The following PABPC1L variants were observed in gnomAD, a reference collection of about 807,000 sequenced individuals.
PABPC1L encodes poly(A) binding protein cytoplasmic 1 like.
PABPC1L carries 31 observed loss-of-function variants against 66.6 expected under a neutral mutation model. The ratio of observed to expected loss-of-function variants is 0.47; its 90% CI spans 0.35 to 0.63. PABPC1L has a LOEUF of 0.63. Among genes scored for constraint, PABPC1L ranks in the 20% least tolerant of loss-of-function variants. PABPC1L has a pLI of 0.00. For synonymous variants in PABPC1L, 348 were observed against 335.1 expected (o/e 1.04, Z -0.42); for missense variants, 722 against 848.8 (o/e 0.85, Z 1.86).
chr20:44,912,280 G>T (rs1220637968), intron 1 of PABPC1L, among the ~76,000 whole-genome samples: 2 of 152,108 alleles, frequency 1.3e-5, no homozygotes, highest in African/African-American at 4.8e-5. Flanking sequence ...TTGTCATATG[G>T]ACATTGTTAT....
intron 8 of PABPC1L, among the ~76,000 whole-genome samples, chr20:44,931,047 T>TC (rs1376733326): frequency 9.9e-5 from 1 of 10,098 alleles, no homozygotes; most frequent in Admixed American, 1.3e-3. Flanking sequence ...TTCCCTCCCT[T>TC]CCCTTCCCTT....
At chr20:44,917,189 G>T (rs1000261530) in intron 3 of PABPC1L, among the ~76,000 whole-genome samples, 2 of 152,060 alleles carry the variant, frequency 1.3e-5, no homozygotes, top group Non-Finnish European at 2.9e-5. Flanking sequence ...TCAGTATGGG[G>T]TGTATGTGTG....
chr20:44,910,994 A>T (rs2037061946), intron 1 of PABPC1L, among the ~76,000 whole-genome samples: 1 of 152,222 alleles, frequency 6.6e-6, no homozygotes, highest in African/African-American at 2.4e-5. Flanking sequence ...AGCTTGGGCA[A>T]GCCTTCACGC....
Position 44,935,458 on chromosome 20 carries a change from G to A in PABPC1L, c.1527G>A (p.Leu509=), listed in dbSNP as rs1402858427. Reference sequence around the variant, plus strand: ...GCTGTACACCAGGCCGGCCGCTCCTGCCGTGCAAATGTTCCTCAGCAGCAC... The same window carrying A: ...GCTGTACACCAGGCCGGCCGCTCCTACCGTGCAAATGTTCCTCAGCAGCAC... The part of the protein sequence containing the change: ...VGCCTPGRPL[L]PCKCSSAAHS... The change falls in exon 11 of 15, where the codon CTG becomes CTA. Residue 509 remains leucine, a synonymous_variant. Transcript: ENST00000217073. 3.7e-6 allele frequency: 6 copies of A among 1,614,060 alleles called. No homozygotes were observed. The highest frequency in any genetic ancestry group is 1.3e-5 in the African/African-American group (1 of 74,916).
At chr20:44,931,136 T>A (rs181126426) in intron 8 of PABPC1L, among the ~76,000 whole-genome samples, 9 of 123,262 alleles carry the variant, frequency 7.3e-5, no homozygotes, top group Non-Finnish European at 3.5e-5. Context: ...CCCAGGCTGG[T>A]GAGCAATGGC....
rs1185274136 is a variant in PABPC1L, at chr20:44,911,192, A to AGT, written c.193+858_193+859dup. Among the ~76,000 whole-genome samples the AGT allele has an allele frequency of 3.3e-5, 5 of 152,130 alleles. No individual in the cohort carries two copies. The East Asian group carries it at 7.7e-4, about 23-fold the overall frequency. Reference sequence around the variant, plus strand: ...TAAATAAATAAATAAGGCCAGGCGCAGTGGCTCACGCCTGTAATCCCAGCA... The same window carrying AGT: ...TAAATAAATAAATAAGGCCAGGCGCAGTGTGGCTCACGCCTGTAATCCCAGCA... On this transcript the variant is annotated intron_variant, in intron 1 of 14. Coordinates refer to ENST00000217073, the MANE Select transcript of PABPC1L (RefSeq NM_001372179.1).
In PABPC1L at chr20:44,916,769, A is replaced by T; in HGVS notation, c.401A>T (p.Glu134Val). 6.2e-7 allele frequency: 1 copy of T among 1,614,168 alleles called. No homozygotes were observed. The highest frequency in any genetic ancestry group is 8.5e-7 in the Non-Finnish European group (1 of 1,180,038). ...CCTGTGGCCCAGGTGGCGTGTGACG[A>T]GCATGGCTCCCGGGGTTTCGGCTTT... ...NILSCKVACD[E>V]HGSRGFGFVH... The change falls in exon 3 of 15, where the codon GAG (glutamate) becomes GTG (valine). Residue 134 changes from glutamate (E) to valine (V), a missense_variant. Physicochemically the swap from Glu to Val is moderately radical, Grantham distance 121. Transcript: ENST00000217073.
intron 6 of PABPC1L, 40 bp downstream of exon 6, chr20:44,921,771 G>A (rs201274195): frequency 3.7e-4 from 603 of 1,610,038 alleles, no homozygotes; most frequent in Non-Finnish European, 4.3e-4. Context: ...TTCTGTGTGA[G>A]AGCAGCTGTG....
chr20:44,912,906 T>G (rs932928503), intron 2 of PABPC1L, 53 bp downstream of exon 2: 10 of 1,508,810 alleles, frequency 6.6e-6, no homozygotes, highest in African/African-American at 1.4e-5. Context: ...ACTACCTGCC[T>G]GGTAGAGGGG....
intron 6 of PABPC1L, among the ~76,000 whole-genome samples, chr20:44,922,976 C>G (rs970938020): frequency 6.6e-6 from 1 of 152,256 alleles, no homozygotes; most frequent in Non-Finnish European, 1.5e-5. Context: ...CATACATCCT[C>G]TTGTGTACAT....
rs770576757 is a variant in PABPC1L, at chr20:44,910,105, G to A, written c.-39G>A. The A allele has an allele frequency of 2.0e-6, 3 of 1,511,254 alleles. No homozygotes were observed. Among genetic ancestry groups the A allele is most frequent in the South Asian group, 2.4e-5 (2 of 82,042 alleles). 93.6% of individuals were successfully genotyped at this position (1,511,254 alleles called of 1,614,324 possible). A position where few individuals can be genotyped will look rare whatever the true frequency, so the allele number is the denominator to read the frequency against. ...TGAGCGCGGGGCTGCTGGGTGACCC[G>A]GCTCCTGCTTGCCCCGCAGCCCCGG... On this transcript the variant is annotated 5_prime_UTR_variant, in exon 1 of 15. Transcript: ENST00000217073.
chr20:44,911,599 G>A (rs945079318), intron 1 of PABPC1L, among the ~76,000 whole-genome samples: 5 of 152,214 alleles, frequency 3.3e-5, no homozygotes, highest in Non-Finnish European at 7.3e-5. Flanking sequence ...CAGGTCGCCT[G>A]GGTGAACCTG....
At chr20:44,932,746 G>C in intron 9 of PABPC1L, 5 of 495,298 alleles carry the variant, frequency 1.0e-5, no homozygotes, top group Non-Finnish European at 1.8e-5. Context: ...GTTGACCAAA[G>C]GCCCTCCTCT....
Position 44,916,746 on chromosome 20 carries a change from T to C in PABPC1L, c.388-10T>C, listed in dbSNP as rs917145648. The C allele has an allele frequency of 7.4e-6, 12 of 1,613,844 alleles. No homozygotes were observed. Among genetic ancestry groups the C allele is most frequent in the Non-Finnish European group, 1.0e-5 (12 of 1,179,694 alleles). ...CAGTACTCTTCCTGTCCTTCCTCCCTGTGGCCCAGGTGGCGTGTGACGAGC... is the reference window on the plus strand; with the variant it reads ...CAGTACTCTTCCTGTCCTTCCTCCCCGTGGCCCAGGTGGCGTGTGACGAGC... On this transcript the variant is annotated splice_polypyrimidine_tract_variant and intron_variant, in intron 2 of 14. Coordinates refer to ENST00000217073, the MANE Select transcript of PABPC1L (RefSeq NM_001372179.1).
At chr20:44,915,731 G>A (rs1409191127) in intron 2 of PABPC1L, among the ~76,000 whole-genome samples, 2 of 151,766 alleles carry the variant, frequency 1.3e-5, no homozygotes, top group Non-Finnish European at 2.9e-5. Context: ...CCTGGGAGGC[G>A]GGGGTTGCAG....
intron 4 of PABPC1L, 63 bp downstream of exon 4, chr20:44,919,108 T>C (rs1240579462): frequency 2.2e-5 from 36 of 1,612,810 alleles, no homozygotes; most frequent in Non-Finnish European, 3.0e-5. Flanking sequence ...CAAAGTCTGG[T>C]AGGGAGGAGG....
At chr20:44,914,934 A>G (rs2066728325) in intron 2 of PABPC1L, among the ~76,000 whole-genome samples, 1 of 152,210 alleles carries the variant, frequency 6.6e-6, no homozygotes, top group Admixed American at 6.5e-5. Flanking sequence ...AGGTTAAGAA[A>G]TGACTGAAAG....
At chr20:44,919,826 G>A (rs2066761073) in intron 5 of PABPC1L, among the ~76,000 whole-genome samples, 1 of 152,288 alleles carries the variant, frequency 6.6e-6, no homozygotes, top group South Asian at 2.1e-4. Flanking sequence ...ACACAAAAAG[G>A]CTCTCACAGT....
At position 44,914,775 on chromosome 20, in the gene PABPC1L, T is replaced by TGTTA. The variant is rs571427818; in HGVS notation, c.387+1924_387+1927dup. On this transcript the variant is annotated intron_variant, in intron 2 of 14. Coordinates refer to ENST00000217073, the MANE Select transcript of PABPC1L (RefSeq NM_001372179.1). The stretch of plus-strand genomic sequence containing the variant: ...GCAGATTTATCATGTACTTTCTGTG[T>TGTTA]GTTAGGTTTTCTGCATACATGTATA... Among the ~76,000 whole-genome samples the TGTTA allele has an allele frequency of 4.5e-3, 686 of 152,334 alleles. 6 individuals carry two copies. Among genetic ancestry groups the TGTTA allele is most frequent in the Middle Eastern group, 0.01 (3 of 294 alleles).
Sources: allele counts gnomAD v4.1 joint callset (sites outside exome capture counted in the v4.1 genomes callset), GRCh38; gene constraint gnomAD v4.1.1; transcripts MANE v1.5; gene names NCBI Gene and HGNC (gene_info 2026-07-23, HGNC 2026-07-21).